TUBGCP2: variants seen among roughly 807,000 people sequenced by gnomAD.
TUBGCP2 encodes the protein tubulin gamma complex component 2, also known as gamma-tubulin complex component 2.
Under a neutral mutation model 92.2 loss-of-function variants are expected in TUBGCP2, and 55 were observed. The ratio of observed to expected loss-of-function variants is 0.60; its 90% CI spans 0.48 to 0.75. TUBGCP2 has a LOEUF of 0.75. Among genes scored for constraint, TUBGCP2 ranks in the 30% least tolerant of loss-of-function variants. TUBGCP2 has a pLI of 0.00. For synonymous variants in TUBGCP2, 533 were observed against 505.2 expected (o/e 1.06, Z -0.74); for missense variants, 1,093 against 1,188.9 (o/e 0.92, Z 1.19).
rs780746486 is a variant in TUBGCP2 at position 133,289,930 on chromosome 10, C to T, written c.1254G>A (p.Arg418=). Residue 418 remains arginine, a synonymous_variant, in exon 9 of 18, where the codon AGG becomes AGA. Coordinates refer to ENST00000252936, the MANE Select transcript of TUBGCP2 (RefSeq NM_006659.4). ...ACTTGTCGTTGTAATCCTCCTGGAT[C>T]CTCTCCTTCCGCAGCTCGTGCTCCT... ...MVEEHELRKE[R]IQEDYNDKYW... 6.2e-7 allele frequency: 1 copy of T among 1,614,234 alleles called. No homozygotes were observed. The highest frequency in any genetic ancestry group is 8.5e-7 in the Non-Finnish European group (1 of 1,180,036).
In TUBGCP2 at chr10:133,285,302, G is replaced by A. The variant is rs553871254; in HGVS notation, c.1896-89C>T. On this transcript the variant is annotated intron_variant, in intron 12 of 17. Coordinates refer to ENST00000252936, the MANE Select transcript of TUBGCP2 (RefSeq NM_006659.4). This position sits in a 1 kb window ranked among gnomAD's most constrained non-coding sequence, Gnocchi z 6.8. ...TCTGTACTCCACAGTCCGCACCGTGGCCCCCGGACAGCCCGTGAATCTCTC... is the reference window on the plus strand; with the variant it reads ...TCTGTACTCCACAGTCCGCACCGTGACCCCCGGACAGCCCGTGAATCTCTC... 26 of 1,595,460 alleles carry A rather than the reference G, an allele frequency of 1.6e-5. No homozygotes were observed. In the African/African-American group the frequency reaches 3.2e-4, roughly 20 times the overall value.
intron 8 of TUBGCP2, among the ~76,000 whole-genome samples, chr10:133,291,906 TC>T (rs1306573569): frequency 1.7e-4 from 3 of 17,340 alleles, no homozygotes; most frequent in Admixed American, 8.2e-4. Flanking sequence ...ACCGTCCGTG[TC>T]CCCCATGTCC....
chr10:133,292,799 C>A (rs368208084), intron 7 of TUBGCP2, 111 bp from the exon 8 acceptor site: 23 of 1,346,012 alleles, frequency 1.7e-5, no homozygotes, highest in East Asian at 1.0e-4. Flanking sequence ...TGGGACGGTG[C>A]TGCTTCTTTG....
rs112484491 is a variant in TUBGCP2 at position 133,286,873 on chromosome 10, T to G, written c.1723-1245A>C. 5.5e-3 allele frequency among the ~76,000 whole-genome samples: 844 copies of G among 152,218 alleles called. 7 individuals are homozygous for G. Among genetic ancestry groups the G allele is most frequent in the African/African-American group, 0.019 (787 of 41,514 alleles). Reference sequence around the variant, plus strand: ...GCTAGGGGATCAGCGAAGGCTGCACTCGGAGGGATGTTTACAGCTGTAAAC... The same window carrying G: ...GCTAGGGGATCAGCGAAGGCTGCACGCGGAGGGATGTTTACAGCTGTAAAC... On this transcript the variant is annotated intron_variant, in intron 11 of 17. Transcript: ENST00000252936.
chr10:133,309,183 G>A (rs981508363), upstream of TUBGCP2: 1 of 1,376,056 alleles, frequency 7.3e-7, no homozygotes, highest in Non-Finnish European at 9.5e-7. Context: ...GAGTGGGAGG[G>A]GCCTACGACT....
intron 2 of TUBGCP2, chr10:133,301,630 A>G (rs1589835710): frequency 6.6e-6 from 1 of 151,540 alleles, no homozygotes; most frequent in East Asian, 1.9e-4. Context: ...TATACTTCTG[A>G]ATTACATATT....
At chr10:133,281,570 T>G in intron 16 of TUBGCP2, 134 bp from the exon 17 acceptor site, 1 of 1,178,744 alleles carries the variant, frequency 8.5e-7, no homozygotes, top group Non-Finnish European at 1.2e-6. Context: ...TCCATGATGT[T>G]TTCAGGAGAT....
chr10:133,308,386 G>A (rs534089777), intron 1 of TUBGCP2: 2 of 152,432 alleles, frequency 1.3e-5, no homozygotes, highest in East Asian at 1.9e-4. Flanking sequence ...GTAACGGGAA[G>A]TCACCCAAGG....
At chr10:133,293,261 T>G (rs1168858640) in intron 6 of TUBGCP2, 23 bp from the exon 7 acceptor site, 9 of 1,610,606 alleles carry the variant, frequency 5.6e-6, no homozygotes, top group South Asian at 1.1e-5. Context: ...CTGTCAGACT[T>G]CCTCAAAAAG....
chr10:133,280,745 G>A (rs1846945863), intron 17 of TUBGCP2, among the ~76,000 whole-genome samples: 1 of 152,248 alleles, frequency 6.6e-6, no homozygotes, highest in African/African-American at 2.4e-5. Context: ...AGGGGAGATG[G>A]GGCCTGGATG....
Position 133,279,046 on chromosome 10 carries a change from T to C in TUBGCP2, c.*720A>G, listed in dbSNP as rs2136104282. On this transcript the variant is annotated 3_prime_UTR_variant, in exon 18 of 18. Coordinates refer to ENST00000252936, the MANE Select transcript of TUBGCP2 (RefSeq NM_006659.4). The stretch of plus-strand genomic sequence containing the variant: ...CCTGGAGGTGGGAAGACAGGGCAGA[T>C]GATCGCCCGAGGGGGATTGGGTGTC... 1 of 152,428 alleles carries C rather than the reference T, an allele frequency of 6.6e-6. No homozygotes were observed. Among genetic ancestry groups the C allele is most frequent in the South Asian group, 2.1e-4 (1 of 4,852 alleles). The allele number at this position is 152,428 out of a possible 1,614,324, so 9.4% of individuals were successfully genotyped here. A position where few individuals can be genotyped will look rare whatever the true frequency, so the allele number is the denominator to read the frequency against.
At chr10:133,307,496 G>C (rs918082310) in intron 1 of TUBGCP2, among the ~76,000 whole-genome samples, 2 of 152,214 alleles carry the variant, frequency 1.3e-5, no homozygotes, top group Non-Finnish European at 2.9e-5. Context: ...AGAGCCCAAA[G>C]GCTTTTACAG....
intron 3 of TUBGCP2, 138 bp from the exon 4 acceptor site, chr10:133,299,741 G>T: frequency 2.3e-6 from 2 of 878,136 alleles, no homozygotes; most frequent in Non-Finnish European, 3.5e-6. Context: ...CGTGCGACAG[G>T]CAGGAACTGA....
chr10:133,279,749 C>T lies in TUBGCP2; in HGVS notation c.*17G>A, dbSNP rs745347202. 1.2e-5 allele frequency: 18 copies of T among 1,547,078 alleles called. 1 individual carries two copies. In the African/African-American group the frequency reaches 1.9e-4, roughly 17 times the overall value. ...CCCTGCTGACCCCACACCCTTCCTT[C>T]CTGTCACAGCCAGGGCTCACTGTGC... On this transcript the variant is annotated 3_prime_UTR_variant, in exon 18 of 18. Coordinates refer to ENST00000252936, the MANE Select transcript of TUBGCP2 (RefSeq NM_006659.4).
At chr10:133,298,265 C>T (rs1847537984) in intron 4 of TUBGCP2, among the ~76,000 whole-genome samples, 154 bp from the exon 5 acceptor site, 2 of 152,238 alleles carry the variant, frequency 1.3e-5, no homozygotes, top group African/African-American at 4.8e-5. Flanking sequence ...AAATGCGCCT[C>T]GACATCCCTG....
At chr10:133,289,477 C>T (rs549217452) in intron 9 of TUBGCP2, among the ~76,000 whole-genome samples, 3 of 152,288 alleles carry the variant, frequency 2.0e-5, no homozygotes, top group South Asian at 4.1e-4. Flanking sequence ...CACTGCCGGC[C>T]GCCAGGCGTG....
intron 8 of TUBGCP2, among the ~76,000 whole-genome samples, chr10:133,292,017 ATGTCCCTCTGTGTCCCTCCGTGTCC>A (rs1847340526): frequency 3.0e-4 from 1 of 3,280 alleles, no homozygotes; most frequent in African/African-American, 2.1e-3. Context: ...CGTGTCCCCC[ATGTCCCTCTGTGTCCCTCCGTGTCC>A]CTCCGTGTCC....
intron 8 of TUBGCP2, 183 bp from the exon 9 acceptor site, chr10:133,290,152 G>A: frequency 1.2e-6 from 1 of 833,332 alleles, no homozygotes; most frequent in Non-Finnish European, 1.8e-6. Context: ...ACGAACCTAG[G>A]GGCCGGGCAC....
chr10:133,302,797 C>T lies in TUBGCP2; in HGVS notation c.145G>A (p.Ala49Thr). ...ACACCAAGGGCAGTGCTCACCTTGG[C>T]ACTGTGAGCAGAGACAGTGGTAGTG... ...YVTTTVSAHS[A>T]KVKIAEFSRT... Residue 49 changes from alanine to threonine, a missense_variant, in exon 2 of 18, where the codon GCC becomes ACC. By Grantham distance (58) the Ala-to-Thr change is moderately conservative. This residue lies in a region of TUBGCP2 where 490 missense variants were observed against 488.5 expected (regional missense o/e 1.00). Transcript: ENST00000252936. 6.2e-7 allele frequency: 1 copy of T among 1,612,532 alleles called. No homozygotes were observed. Among genetic ancestry groups the T allele is most frequent in the South Asian group, 1.1e-5 (1 of 91,016 alleles).
Sources: gnomAD v4.1 joint callset for allele counts (sites outside exome capture counted in the v4.1 genomes callset) on GRCh38, gnomAD v4.1.1 for gene constraint, gnomAD v4.1.1 regional missense constraint, Gnocchi (gnomAD v3.1) non-coding constraint, MANE v1.5 for transcripts, NCBI Gene and HGNC (gene_info 2026-07-23, HGNC 2026-07-21) for gene names.